TSPEAR: variants seen among roughly 807,000 people sequenced by gnomAD.
TSPEAR encodes the protein thrombospondin type laminin G domain and EAR repeats.
In TSPEAR, 69 loss-of-function variants were observed where a neutral mutation model predicts 71.6. The ratio of observed to expected loss-of-function variants is 0.96; its 90% CI spans 0.79 to 1.18. The LOEUF is 1.18. Ranked by LOEUF, TSPEAR falls within the 50% of genes most tolerant of loss-of-function variation. The pLI is 0.00. For missense variants in TSPEAR, 971 were observed against 894.9 expected, an observed-to-expected ratio of 1.09 and a Z score of -1.09; for synonymous variants, 402 against 387.2, an observed-to-expected ratio of 1.04 and a Z score of -0.45.
rs150075577 is a variant in TSPEAR, at chr21:44,614,471, C to T, written c.83-46466G>A. 7.6e-3 allele frequency among the ~76,000 whole-genome samples: 1,157 copies of T among 152,366 alleles called. 6 individuals carry two copies. Among genetic ancestry groups the T allele is most frequent in the Non-Finnish European group, 0.013 (869 of 68,034 alleles). On this transcript the variant is annotated intron_variant, in intron 1 of 11. Transcript: ENST00000323084. Reference sequence around the variant, plus strand: ...AGAAACCTCTGCCATTCGTGAGTGACCAATCCCAGGGCCCAGGCGAGGGTG... The same window carrying T: ...AGAAACCTCTGCCATTCGTGAGTGATCAATCCCAGGGCCCAGGCGAGGGTG...
intron 1 of TSPEAR, among the ~76,000 whole-genome samples, chr21:44,650,851 C>T (rs1423829421): frequency 6.6e-6 from 1 of 152,168 alleles, no homozygotes; most frequent in Non-Finnish European, 1.5e-5. Context: ...CCACAGAGAT[C>T]CCCAGAGGTG....
intron 1 of TSPEAR, among the ~76,000 whole-genome samples, chr21:44,614,210 A>C (rs1981918818): frequency 1.3e-5 from 2 of 149,886 alleles, no homozygotes; most frequent in African/African-American, 4.9e-5. Context: ...CGCCAGCGTC[A>C]CTCTCCCCCT....
chr21:44,502,908 GGC>G, intron 11 of TSPEAR, among the ~76,000 whole-genome samples: 1 of 125,342 alleles, frequency 8.0e-6, no homozygotes, highest in Non-Finnish European at 1.7e-5. Context: ...GGGGAAGTAA[GGC>G]GCTGGGAGGA....
At chr21:44,685,304 G>A (rs1277936004) in intron 1 of TSPEAR, among the ~76,000 whole-genome samples, 56 of 152,246 alleles carry the variant, frequency 3.7e-4, no homozygotes, top group Middle Eastern at 3.4e-3. Context: ...AGAATAAAGC[G>A]CTGTGGCCAA....
chr21:44,609,437 G>A (rs1454121441), intron 1 of TSPEAR, among the ~76,000 whole-genome samples: 2 of 152,116 alleles, frequency 1.3e-5, no homozygotes, highest in Non-Finnish European at 2.9e-5. Flanking sequence ...AATCCAGAAA[G>A]AAAAAGACAA....
intron 11 of TSPEAR, among the ~76,000 whole-genome samples, chr21:44,503,586 G>A (rs1253996946): frequency 2.9e-5 from 4 of 138,194 alleles, no homozygotes; most frequent in Non-Finnish European, 3.1e-5. Flanking sequence ...AGCTGGCCTC[G>A]GTGAGCCCTC....
At chr21:44,680,245 C>G (rs187809120) in intron 1 of TSPEAR, among the ~76,000 whole-genome samples, 1 of 152,170 alleles carries the variant, frequency 6.6e-6, no homozygotes, top group East Asian at 1.9e-4. Context: ...GAATAGGCAT[C>G]TCTCAAAAGA....
intron 1 of TSPEAR, among the ~76,000 whole-genome samples, chr21:44,589,525 C>G (rs1250125226): frequency 2.0e-5 from 3 of 152,186 alleles, no homozygotes; most frequent in Non-Finnish European, 2.9e-5. Context: ...GTGGCAGGAT[C>G]ACAGGGTCAC....
chr21:44,669,098 A>G (rs1985929686), intron 1 of TSPEAR, among the ~76,000 whole-genome samples: 1 of 152,222 alleles, frequency 6.6e-6, no homozygotes, highest in African/African-American at 2.4e-5. Flanking sequence ...AGAAAAATGA[A>G]AAGAGCCTGT....
chr21:44,667,230 G>T (rs1555945066), intron 1 of TSPEAR, among the ~76,000 whole-genome samples: 2 of 152,112 alleles, frequency 1.3e-5, no homozygotes, highest in East Asian at 1.9e-4. Context: ...CAGATCTCCA[G>T]ATTTTTTTCC....
At chr21:44,565,039 C>A (rs868921161) in intron 2 of TSPEAR, among the ~76,000 whole-genome samples, 1 of 151,968 alleles carries the variant, frequency 6.6e-6, no homozygotes, top group Non-Finnish European at 1.5e-5. Flanking sequence ...ATATAACCAA[C>A]AAACAAGTCA....
chr21:44,540,155 G>T, intron 2 of TSPEAR: 1 of 1,611,722 alleles, frequency 6.2e-7, no homozygotes, highest in Non-Finnish European at 8.5e-7. Context: ...GGCCATGCTG[G>T]GGTGGGGAGG....
chr21:44,557,178 T>C (rs2053545682), intron 2 of TSPEAR, among the ~76,000 whole-genome samples: 1 of 152,184 alleles, frequency 6.6e-6, no homozygotes, highest in Non-Finnish European at 1.5e-5. Flanking sequence ...GCCATAGGTT[T>C]TGTCGGCTAC....
intron 8 of TSPEAR, among the ~76,000 whole-genome samples, chr21:44,522,979 T>C (rs781830635): frequency 6.6e-6 from 1 of 151,814 alleles, no homozygotes; most frequent in Non-Finnish European, 1.5e-5. Context: ...CAGTCAGTTG[T>C]CAGTCAGTCA....
At chr21:44,679,155 C>T (rs955042582) in intron 1 of TSPEAR, among the ~76,000 whole-genome samples, 1 of 152,186 alleles carries the variant, frequency 6.6e-6, no homozygotes, top group Non-Finnish European at 1.5e-5. Flanking sequence ...AAGACACAGA[C>T]ATGGCTTCTG....
At chr21:44,601,797 T>C in intron 1 of TSPEAR, 2 of 1,560,318 alleles carry the variant, frequency 1.3e-6, no homozygotes, top group Non-Finnish European at 1.7e-6. Context: ...CTGGATTCTT[T>C]ACCCTTGACG....
intron 1 of TSPEAR, among the ~76,000 whole-genome samples, chr21:44,607,604 T>C (rs1555930069): frequency 6.6e-6 from 1 of 152,220 alleles, no homozygotes; most frequent in East Asian, 1.9e-4. Context: ...AGTAAATTAG[T>C]AAATCGGATT....
intron 1 of TSPEAR, among the ~76,000 whole-genome samples, chr21:44,694,480 A>G (rs1555950159): frequency 6.6e-6 from 1 of 152,234 alleles, no homozygotes; most frequent in Non-Finnish European, 1.5e-5. Context: ...ACAGTCCTAG[A>G]GGTGAACAGT....
In TSPEAR at chr21:44,647,630, A is replaced by T. The variant is rs587673310; in HGVS notation, c.82+63803T>A. ...TGACAAAGAAGAACTGCTCTAATCA[A>T]TAAATTCTTGAGTCAGGAAATACGG... On this transcript the variant is annotated intron_variant, in intron 1 of 11. Coordinates refer to ENST00000323084, the MANE Select transcript of TSPEAR (RefSeq NM_144991.3). The T allele has an allele frequency of 3.8e-5, 19 of 500,458 alleles. No individual in the cohort carries two copies. In the East Asian group the frequency reaches 6.7e-4, roughly 18 times the overall value. The allele number at this position is 500,458 out of a possible 1,614,324, so 31.0% of individuals were successfully genotyped here. A position where few individuals can be genotyped will look rare whatever the true frequency, so the allele number is the denominator to read the frequency against.
Sources: allele counts gnomAD v4.1 joint callset (sites outside exome capture counted in the v4.1 genomes callset), GRCh38; gene constraint gnomAD v4.1.1; transcripts MANE v1.5; gene names NCBI Gene and HGNC (gene_info 2026-07-23, HGNC 2026-07-21).